STK24: variants seen among roughly 807,000 people sequenced by gnomAD.
The protein encoded by STK24 is serine/threonine kinase 24.
In STK24, 21 loss-of-function variants were observed where a neutral mutation model predicts 55.6. That is an observed-to-expected ratio of 0.38 (90% CI 0.27 to 0.54). The LOEUF (loss-of-function observed/expected upper bound fraction) is 0.54, where lower values mean the gene tolerates loss of function less well. STK24 is among the 20% of genes least tolerant of loss of function. STK24 has a pLI of 0.79. For missense variants in STK24, 383 were observed against 538.4 expected, an observed-to-expected ratio of 0.71 and a Z score of 2.86; for synonymous variants, 200 against 215.2, an observed-to-expected ratio of 0.93 and a Z score of 0.62.
intron 1 of STK24, among the ~76,000 whole-genome samples, chr13:98,570,603 G>A (rs146304382): frequency 2.6e-5 from 4 of 152,286 alleles, no homozygotes; most frequent in Non-Finnish European, 5.9e-5. Flanking sequence ...ACAATGGAAG[G>A]TCTCTAGAGT....
chr13:98,503,702 C>A (rs1037472774), intron 2 of STK24, among the ~76,000 whole-genome samples: 10 of 152,164 alleles, frequency 6.6e-5, no homozygotes, highest in African/African-American at 2.4e-4. Context: ...TGACTGTGAG[C>A]TTAAAATATC....
At chr13:98,455,318 A>T (rs1893402505) in intron 10 of STK24, 1 of 152,178 alleles carries the variant, frequency 6.6e-6, no homozygotes, top group Non-Finnish European at 1.5e-5. Flanking sequence ...GATCACAGCC[A>T]TAGCCGCGAA....
intron 2 of STK24, among the ~76,000 whole-genome samples, chr13:98,485,002 C>T (rs1473548043): frequency 2.0e-5 from 3 of 152,148 alleles, no homozygotes; most frequent in Admixed American, 6.5e-5. Flanking sequence ...CTCAAATACC[C>T]GGGCTGGGCC....
chr13:98,569,962 C>T (rs1304301703), intron 1 of STK24, among the ~76,000 whole-genome samples: 5 of 151,446 alleles, frequency 3.3e-5, no homozygotes, highest in African/African-American at 7.3e-5. Context: ...CTGCAACCTC[C>T]GCCTCCCAGG....
Position 98,473,507 on chromosome 13 carries a change from T to TC in STK24, c.597+1313dup, listed in dbSNP as rs538565958. On this transcript the variant is annotated intron_variant, in intron 5 of 10. Transcript: ENST00000539966. ...CTAAACATGTAAGTTCCTGGTCGAGTCCCAAAATTACATGACCCCAGGAAA... is the reference window on the plus strand; with the variant it reads ...CTAAACATGTAAGTTCCTGGTCGAGTCCCCAAAATTACATGACCCCAGGAAA... Among the ~76,000 whole-genome samples the TC allele has an allele frequency of 3.4e-4, 52 of 151,370 alleles. 1 individual carries two copies. Among genetic ancestry groups the TC allele is most frequent in the Admixed American group, 2.8e-3 (42 of 15,236 alleles).
At chr13:98,492,607 C>T (rs1895084264) in intron 2 of STK24, among the ~76,000 whole-genome samples, 1 of 152,238 alleles carries the variant, frequency 6.6e-6, no homozygotes, top group African/African-American at 2.4e-5. Context: ...AAGCCTCATT[C>T]TCCTTCACAC....
In STK24 at chr13:98,541,744, A is replaced by G. The variant is rs541495442; in HGVS notation, c.43-22271T>C. Among the ~76,000 whole-genome samples the G allele has an allele frequency of 1.6e-3, 245 of 152,336 alleles. 1 individual carries two copies. Among genetic ancestry groups the G allele is most frequent in the African/African-American group, 4.2e-3 (175 of 41,574 alleles). Reference sequence around the variant, plus strand: ...AAGATTTGAACCAGTTTGTCTCAACAGCCTGTGCCCTCATCCATGACACTT... The same window carrying G: ...AAGATTTGAACCAGTTTGTCTCAACGGCCTGTGCCCTCATCCATGACACTT... On this transcript the variant is annotated intron_variant, in intron 1 of 10. Coordinates refer to ENST00000539966, the MANE Select transcript of STK24 (RefSeq NM_001032296.4).
chr13:98,575,406 T>TATACAC (rs765968352), intron 1 of STK24, among the ~76,000 whole-genome samples: 4 of 148,534 alleles, frequency 2.7e-5, no homozygotes, highest in African/African-American at 1.0e-4. Context: ...TGCTTATATA[T>TATACAC]ACACACACAC....
At chr13:98,570,206 G>C (rs1391404740) in intron 1 of STK24, among the ~76,000 whole-genome samples, 1 of 152,070 alleles carries the variant, frequency 6.6e-6, no homozygotes, top group Non-Finnish European at 1.5e-5. Flanking sequence ...CATAAACTAA[G>C]GAGTAACAAA....
At chr13:98,559,178 A>G (rs920648168) in intron 1 of STK24, among the ~76,000 whole-genome samples, 2 of 152,050 alleles carry the variant, frequency 1.3e-5, no homozygotes, top group African/African-American at 4.8e-5. Flanking sequence ...CGTCTCAAAA[A>G]AAAAGAAAAA....
At chr13:98,457,765 CG>C (rs1472652012) in intron 9 of STK24, among the ~76,000 whole-genome samples, 4 of 152,176 alleles carry the variant, frequency 2.6e-5, no homozygotes, top group African/African-American at 9.7e-5. Context: ...CCACTGTGCC[CG>C]GCCCGGGTTC....
intron 1 of STK24, among the ~76,000 whole-genome samples, chr13:98,526,403 A>G (rs1896431398): frequency 6.6e-6 from 1 of 152,168 alleles, no homozygotes; most frequent in South Asian, 2.1e-4. Flanking sequence ...GTCTCAGCAC[A>G]TTCTCATGAC....
chr13:98,509,912 C>T (rs1176737286), intron 2 of STK24, among the ~76,000 whole-genome samples: 2 of 152,210 alleles, frequency 1.3e-5, no homozygotes, highest in Admixed American at 6.5e-5. Flanking sequence ...GGACTGCCTC[C>T]TGCCCAGGAT....
At chr13:98,516,323 G>A (rs1211041357) in intron 2 of STK24, among the ~76,000 whole-genome samples, 7 of 152,162 alleles carry the variant, frequency 4.6e-5, no homozygotes, top group Non-Finnish European at 1.0e-4. Context: ...CTCCCTAAAG[G>A]ACAATCTGCT....
intron 1 of STK24, among the ~76,000 whole-genome samples, chr13:98,545,670 A>G (rs2139426974): frequency 6.6e-6 from 1 of 151,262 alleles, no homozygotes; most frequent in East Asian, 1.9e-4. Context: ...ACTTGGCTTC[A>G]GGAAGAAGAT....
chr13:98,497,498 A>G (rs79304913), intron 2 of STK24, among the ~76,000 whole-genome samples: 373 of 152,352 alleles, frequency 2.4e-3, no homozygotes, highest in African/African-American at 8.7e-3. Flanking sequence ...AGTGAAAACC[A>G]GGACGCCATG....
chr13:98,460,874 T>C (rs1188545336), intron 8 of STK24, among the ~76,000 whole-genome samples: 1 of 145,466 alleles, frequency 6.9e-6, no homozygotes, highest in Non-Finnish European at 1.5e-5. Flanking sequence ...ACCATGTTTC[T>C]ATTAAAAAAA....
chr13:98,525,684 T>A (rs1012651550), intron 1 of STK24, among the ~76,000 whole-genome samples: 2 of 152,092 alleles, frequency 1.3e-5, no homozygotes, highest in African/African-American at 4.8e-5. Flanking sequence ...CTTCCCGAGC[T>A]CACCGAGCCT....
intron 1 of STK24, among the ~76,000 whole-genome samples, chr13:98,551,389 CA>C (rs1223624733): frequency 6.6e-6 from 1 of 151,792 alleles, no homozygotes; most frequent in East Asian, 1.9e-4. Flanking sequence ...AAGCCTTCTT[CA>C]AGGCTATTCT....
Sources: allele counts gnomAD v4.1 joint callset (sites outside exome capture counted in the v4.1 genomes callset), GRCh38; gene constraint gnomAD v4.1.1; transcripts MANE v1.5; gene names NCBI Gene and HGNC (gene_info 2026-07-23, HGNC 2026-07-21).